The following CAST variants were observed in gnomAD, a reference collection of about 807,000 sequenced individuals.
CAST encodes MIR583 host.
A neutral mutation model predicts 119.6 loss-of-function variants in CAST; 76 were observed. The observed-to-expected ratio is 0.64, with a 90% CI of 0.53 to 0.77. CAST has a LOEUF of 0.77. CAST is among the 30% of genes least tolerant of loss of function. The probability of loss-of-function intolerance (pLI) is 0.00; values close to 1 mark genes in which losing one functional copy is unlikely to be tolerated. For synonymous variants in CAST, 319 were observed against 331.6 expected (o/e 0.96, Z 0.41); for missense variants, 953 against 946.5 (o/e 1.01, Z -0.09).
the CAST span, among the ~76,000 whole-genome samples, chr5:96,319,695 A>T: frequency 1.3e-5 from 2 of 152,060 alleles, no homozygotes; most frequent in Non-Finnish European, 2.9e-5. Flanking sequence ...CCAGTAAGCA[A>T]CCTCACTTTT....
At position 96,675,748 on chromosome 5, in the gene CAST, A is replaced by G. The variant is rs1312161069; in HGVS notation, c.138+147A>G. Reference sequence around the variant, plus strand: ...TTTAACCAAGATTTGGTTCAAGAATATAAAAGGAAATCACTAAAAATAAAT... The same window carrying G: ...TTTAACCAAGATTTGGTTCAAGAATGTAAAAGGAAATCACTAAAAATAAAT... On this transcript the variant is annotated intron_variant, in intron 2 of 31. Coordinates refer to ENST00000675179, the MANE Select transcript of CAST (RefSeq NM_001750.7). 1.4e-5 allele frequency: 8 copies of G among 576,814 alleles called. No individual in the cohort carries two copies. The Middle Eastern group carries it at 1.8e-3, about 130-fold the overall frequency. The allele number at this position is 576,814 out of a possible 1,614,324, so 35.7% of individuals were successfully genotyped here.
intron 1 of CAST, among the ~76,000 whole-genome samples, chr5:96,553,504 A>G (rs1444157220): frequency 1.3e-5 from 2 of 151,754 alleles, no homozygotes; most frequent in East Asian, 3.9e-4. Flanking sequence ...CAGCACAAGG[A>G]TGCCCTCTCT....
chr5:96,151,509 G>T, the CAST span, among the ~76,000 whole-genome samples: 1 of 152,078 alleles, frequency 6.6e-6, no homozygotes, highest in Non-Finnish European at 1.5e-5. Context: ...TCATAAAACT[G>T]CTCTTAAAGG....
the CAST span, among the ~76,000 whole-genome samples, chr5:96,314,276 G>A: frequency 6.6e-6 from 1 of 152,172 alleles, no homozygotes; most frequent in South Asian, 2.1e-4. Context: ...AAAGTTGTGG[G>A]AGCTACAGCA....
chr5:96,161,449 A>G, the CAST span, among the ~76,000 whole-genome samples: 1 of 152,198 alleles, frequency 6.6e-6, no homozygotes, highest in Admixed American at 6.5e-5. Context: ...ACCATAAAAA[A>G]ATGATTTATA....
At chr5:96,363,280 C>T in the CAST span, among the ~76,000 whole-genome samples, 1 of 148,736 alleles carries the variant, frequency 6.7e-6, no homozygotes, top group African/African-American at 2.5e-5. Context: ...GTGCCTCCAG[C>T]TTTGTTCTTT....
chr5:96,707,709 T>C (rs575687295), intron 3 of CAST, among the ~76,000 whole-genome samples: 2 of 152,284 alleles, frequency 1.3e-5, no homozygotes, highest in African/African-American at 4.8e-5. Context: ...AGCAAGGTCA[T>C]GGACCATTGA....
chr5:96,638,368 T>C (rs1224251439), intron 1 of CAST, among the ~76,000 whole-genome samples: 1 of 152,112 alleles, frequency 6.6e-6, no homozygotes, highest in Non-Finnish European at 1.5e-5. Context: ...ATCATGCCAC[T>C]GCACTCCAGC....
At chr5:96,425,646 A>G in the CAST span, among the ~76,000 whole-genome samples, 1 of 152,106 alleles carries the variant, frequency 6.6e-6, no homozygotes, top group Non-Finnish European at 1.5e-5. Flanking sequence ...ATCCTTACTC[A>G]GCAAAACAGA....
chr5:96,348,081 TTAAG>T, the CAST span, among the ~76,000 whole-genome samples: 2 of 152,150 alleles, frequency 1.3e-5, no homozygotes, highest in East Asian at 3.9e-4. Flanking sequence ...TGCTGAGTCA[TTAAG>T]TAAGCTGAAA....
chr5:96,626,402 AC>A, intron 1 of CAST, among the ~76,000 whole-genome samples: 2 of 152,232 alleles, frequency 1.3e-5, no homozygotes, highest in Middle Eastern at 6.8e-3. Context: ...ATATGAATGC[AC>A]CATAACTGAC....
intron 4 of CAST, among the ~76,000 whole-genome samples, chr5:96,723,158 TCTCA>T (rs1431152174): frequency 6.6e-6 from 1 of 152,108 alleles, no homozygotes; most frequent in East Asian, 1.9e-4. Context: ...AGAGACAGGG[TCTCA>T]CTGTGTTGCC....
the CAST span, among the ~76,000 whole-genome samples, chr5:96,082,552 C>G: frequency 5.0e-3 from 755 of 152,318 alleles, 10 homozygotes; most frequent in Admixed American, 9.6e-3. Context: ...AAGGAAAATT[C>G]ATTTCTACTT....
the CAST span, among the ~76,000 whole-genome samples, chr5:96,346,609 T>C: frequency 6.6e-6 from 1 of 152,146 alleles, no homozygotes; most frequent in Non-Finnish European, 1.5e-5. Flanking sequence ...TGGTAGAAGG[T>C]ATATACTACA....
Position 96,741,270 on chromosome 5 carries a change from C to T in CAST, c.923C>T (p.Pro308Leu), listed in dbSNP as rs1388433160. 3 of 1,602,890 alleles carry T rather than the reference C, an allele frequency of 1.9e-6. No homozygotes were observed. Among genetic ancestry groups the T allele is most frequent in the Non-Finnish European group, 2.6e-6 (3 of 1,170,246 alleles). The change falls in exon 14 of 32, where the codon CCC becomes CTC. Residue 308 changes from proline to leucine, a missense_variant. Physicochemically the swap from Pro to Leu is moderately conservative, Grantham distance 98. Coordinates refer to ENST00000675179, the MANE Select transcript of CAST (RefSeq NM_001750.7). ...TCACTGTGCCTGTTTCTTTAGAAAC[C>T]CATAGGGCCAGATGATGCTATAGAC... ...ITGPPADSSK[P>L]IGPDDAIDAL...
rs1750597466 is a variant in CAST, at chr5:96,675,535, A to G, written c.76-4A>G. The G allele has an allele frequency of 4.4e-6, 7 of 1,608,640 alleles. No individual in the cohort carries two copies. The highest frequency in any genetic ancestry group is 5.1e-6 in the Non-Finnish European group (6 of 1,175,148). ...ATTAAGCATTATTTTTTACTTTTTT[A>G]TAGCATGTCAGTGAAAAAACCAGTG... is the stretch of plus-strand genomic sequence containing the variant. On this transcript the variant is annotated splice_polypyrimidine_tract_variant and splice_region_variant and intron_variant, in intron 1 of 31. Transcript: ENST00000675179.
At chr5:96,062,654 C>A in the CAST span, among the ~76,000 whole-genome samples, 1 of 151,940 alleles carries the variant, frequency 6.6e-6, no homozygotes, top group East Asian at 1.9e-4. Flanking sequence ...AAGAAGGGGT[C>A]ACCATCCTGG....
In CAST at chr5:96,741,814, A is replaced by AC. The variant is rs1234928054; in HGVS notation, c.1098+236dup. The AC allele has an allele frequency of 2.1e-5, 9 of 437,452 alleles. No homozygotes were observed. In the East Asian group the frequency reaches 3.7e-4, roughly 18 times the overall value. 27.1% of individuals were successfully genotyped at this position (437,452 alleles called of 1,614,324 possible). On this transcript the variant is annotated intron_variant, in intron 15 of 31. Coordinates refer to ENST00000675179, the MANE Select transcript of CAST (RefSeq NM_001750.7). Reference sequence around the variant, plus strand: ...ACAGTTGTCTCAGTCATCATCTAAGACCATCTCACCATTATGATACACAGA... The same window carrying AC: ...ACAGTTGTCTCAGTCATCATCTAAGACCCATCTCACCATTATGATACACAGA...
chr5:96,737,775 CT>C (rs143175585), intron 10 of CAST, 73 bp from the exon 11 acceptor site: 14 of 810,512 alleles, frequency 1.7e-5, no homozygotes, highest in South Asian at 3.7e-5. Flanking sequence ...CACAGAATGG[CT>C]TTTTTTGTAG....
Sources: allele counts gnomAD v4.1 joint callset (sites outside exome capture counted in the v4.1 genomes callset), GRCh38; gene constraint gnomAD v4.1.1; transcripts MANE v1.5; gene names NCBI Gene and HGNC (gene_info 2026-07-23, HGNC 2026-07-21).